Variants in TMEM234 observed in about 807,000 individuals in gnomAD.
TMEM234 encodes transmembrane protein 234.
In TMEM234, 21 loss-of-function variants were observed where a neutral mutation model predicts 17.8. The ratio of observed to expected loss-of-function variants is 1.18; its 90% confidence interval spans 0.84 to 1.70. The LOEUF (loss-of-function observed/expected upper bound fraction) is 1.70. Ranked by LOEUF, TMEM234 falls within the 40% of genes most tolerant of loss-of-function variation. The pLI is 0.00. For missense variants in TMEM234, 137 were observed against 166.9 expected, an observed-to-expected ratio of 0.82 and a Z score of 0.99; for synonymous variants, 83 against 73.5, an observed-to-expected ratio of 1.13 and a Z score of -0.66.
chr1:32,216,722 C>T lies in TMEM234; in HGVS notation c.*131G>A. ...TCTCTTATTGTGATCCATGAGGTAG[C>T]TGTTATCCCCATAAGAGAGGAGGAA... is the stretch of plus-strand genomic sequence containing the variant. On this transcript the variant is annotated 3_prime_UTR_variant, in exon 5 of 5. Transcript: ENST00000309777. 1 of 1,505,586 alleles carries T rather than the reference C, an allele frequency of 6.6e-7. No individual in the cohort carries two copies. Among genetic ancestry groups the T allele is most frequent in the Non-Finnish European group, 8.9e-7 (1 of 1,122,952 alleles). The allele number at this position is 1,505,586 out of a possible 1,614,324, so 93.3% of individuals were successfully genotyped here.
chr1:32,217,161 C>T, intron 4 of TMEM234, 98 bp downstream of exon 4: 1 of 1,607,898 alleles, frequency 6.2e-7, no homozygotes, highest in African/African-American at 1.3e-5. Context: ...AAGGCCGTGT[C>T]CTCACCCACT....
chr1:32,216,421 G>A lies in TMEM234; in HGVS notation c.*432C>T, dbSNP rs371498041. 14 of 1,551,506 alleles carry A rather than the reference G, an allele frequency of 9.0e-6. No homozygotes were observed. The highest frequency in any genetic ancestry group is 7.3e-5 in the East Asian group (3 of 40,930). ...GTTCCACCCCTCATTCAGCCAAAGC[G>A]CTCTGACTGAGTCCCAGAGGCCTCC... On this transcript the variant is annotated 3_prime_UTR_variant, in exon 5 of 5. Transcript: ENST00000309777.
chr1:32,215,658 C>G, downstream of TMEM234: 1 of 1,125,762 alleles, frequency 8.9e-7, no homozygotes. Flanking sequence ...AGTAAATGAT[C>G]TCCTAACTTC....
chr1:32,222,054 C>G, intron 1 of TMEM234, 36 bp from the exon 2 acceptor site: 1 of 1,565,368 alleles, frequency 6.4e-7, no homozygotes, highest in African/African-American at 1.4e-5. Context: ...TGACCCCCAC[C>G]CCAAACGGCC....
At position 32,216,907 on chromosome 1, in the gene TMEM234, T is replaced by C. The variant is rs985269680; in HGVS notation, c.369A>G (p.Ser123=). ...AGMVLTVIGI[S]LCITSSVSKT... ...TACTCACTGAGCTTGTGATGCAGAG[T>C]GAAATTCCTATCACGGTGAGCACCA... The change falls in exon 5 of 5, where the codon TCA becomes TCG. Residue 123 remains serine, a synonymous_variant. Transcript: ENST00000309777. 6.2e-7 allele frequency: 1 copy of C among 1,613,800 alleles called. No individual in the cohort carries two copies. The highest frequency in any genetic ancestry group is 1.3e-5 in the African/African-American group (1 of 74,800).
At chr1:32,214,976 A>C (rs1376973195), downstream of TMEM234, 4 of 1,611,600 alleles carry the variant, frequency 2.5e-6, no homozygotes, top group Non-Finnish European at 3.4e-6. Flanking sequence ...CTGCCCTTTG[A>C]CAGTGACATA....
rs2124245623 is a variant in TMEM234, at chr1:32,221,276, C to A, written c.169-79G>T. ...CCTTCTTTGAGCTCCTAGCGAATGT[C>A]TTTCCTTGGAGGGAGGCAGGGTTAT... On this transcript the variant is annotated intron_variant, in intron 2 of 4. Transcript: ENST00000309777. 4.3e-6 allele frequency: 5 copies of A among 1,160,798 alleles called. No homozygotes were observed. In the South Asian group the frequency reaches 6.5e-5, roughly 15 times the overall value. The allele number at this position is 1,160,798 out of a possible 1,614,324, so 71.9% of individuals were successfully genotyped here. A position where few individuals can be genotyped will look rare whatever the true frequency, so the allele number is the denominator to read the frequency against.
chr1:32,214,714 G>C, downstream of TMEM234: 6 of 1,570,684 alleles, frequency 3.8e-6, no homozygotes, highest in Non-Finnish European at 5.2e-6. Flanking sequence ...CAGGCGTCAG[G>C]GGCTCTCTGA....
chr1:32,221,180 G>A lies in TMEM234; in HGVS notation c.186C>T (p.Leu62=), dbSNP rs1638870867. ...AGAGAAGGGATCCACACTGGTTGAGGAGAAAGGGCATCAGGTACTGGAAAG... is the reference window on the plus strand; with the variant it reads ...AGAGAAGGGATCCACACTGGTTGAGAAGAAAGGGCATCAGGTACTGGAAAG... The part of the protein sequence containing the change: ...FLNTEYLMPF[L]LNQCGSLLYY... The change falls in exon 3 of 5, where the codon CTC becomes CTT. Residue 62 remains leucine (L), a synonymous_variant. Coordinates refer to ENST00000309777, the MANE Select transcript of TMEM234 (RefSeq NM_019118.5). 1.9e-6 allele frequency: 3 copies of A among 1,613,666 alleles called. No homozygotes were observed. Among genetic ancestry groups the A allele is most frequent in the Non-Finnish European group, 2.5e-6 (3 of 1,179,858 alleles).
chr1:32,215,997 G>C (rs532578096), downstream of TMEM234: 2 of 1,019,664 alleles, frequency 2.0e-6, no homozygotes, highest in Non-Finnish European at 3.0e-6. Flanking sequence ...ACCTCCGCTG[G>C]GCTCACAGGG....
rs1306840002 is a variant in TMEM234, at chr1:32,217,040, G to A, written c.329-93C>T. On this transcript the variant is annotated intron_variant, in intron 4 of 4. Coordinates refer to ENST00000309777, the MANE Select transcript of TMEM234 (RefSeq NM_019118.5). ...GGAGGAAGGGCTCAGATGGGGTCTG[G>A]TCTTCAATCCCAAACCCCAGCCTCT... 6 of 1,588,844 alleles carry A rather than the reference G, an allele frequency of 3.8e-6. No homozygotes were observed. The African/African-American group carries it at 8.0e-5, about 21-fold the overall frequency.
At chr1:32,222,219 G>C in intron 1 of TMEM234, 88 bp downstream of exon 1, 3 of 1,513,288 alleles carry the variant, frequency 2.0e-6, no homozygotes, top group Non-Finnish European at 1.8e-6. Flanking sequence ...TTGTAGCAGG[G>C]GTCGGGGTTA....
At chr1:32,215,882 A>G (rs1446344982), downstream of TMEM234, 13 of 1,551,534 alleles carry the variant, frequency 8.4e-6, no homozygotes, top group Non-Finnish European at 1.1e-5. Context: ...CCTCAGCCCC[A>G]GCTCTGCCAT....
At chr1:32,215,988 C>T (rs1017167362), downstream of TMEM234, 3 of 1,107,468 alleles carry the variant, frequency 2.7e-6, no homozygotes, top group Non-Finnish European at 4.0e-6. Context: ...GGAGCCAGCA[C>T]CTCCGCTGGG....
chr1:32,215,254 G>T (rs1249812490), downstream of TMEM234: 2 of 611,266 alleles, frequency 3.3e-6, no homozygotes, highest in Non-Finnish European at 5.7e-6. Flanking sequence ...AGACTTCAGG[G>T]GTGGGATATA....
At chr1:32,215,657 T>C, downstream of TMEM234, 2 of 1,117,268 alleles carry the variant, frequency 1.8e-6, no homozygotes, top group African/African-American at 3.2e-5. Flanking sequence ...AAGTAAATGA[T>C]CTCCTAACTT....
chr1:32,217,528 C>T, intron 3 of TMEM234, 177 bp from the exon 4 acceptor site: 2 of 1,419,434 alleles, frequency 1.4e-6, no homozygotes, highest in African/African-American at 1.4e-5. Context: ...ACGTTCAGTG[C>T]TTCCCAGGAT....
chr1:32,221,809 A>G (rs1371595317), intron 2 of TMEM234, 58 bp downstream of exon 2: 7 of 1,604,182 alleles, frequency 4.4e-6, no homozygotes, highest in African/African-American at 1.3e-5. Flanking sequence ...GTTTGACTCC[A>G]AAGACCAAAT....
rs1350470106 is a variant in TMEM234 at position 32,221,942 on chromosome 1, G to A, written c.93C>T (p.Gly31=). 1 of 1,611,928 alleles carries A rather than the reference G, an allele frequency of 6.2e-7. No individual in the cohort carries two copies. Among genetic ancestry groups the A allele is most frequent in the Non-Finnish European group, 8.5e-7 (1 of 1,179,964 alleles). Reference sequence around the variant, plus strand: ...AGGTCGGCTCATGAACCCGCTGCAGGCCGGCGGAGGCCCGCTTCAGCAGCG... The same window carrying A: ...AGGTCGGCTCATGAACCCGCTGCAGACCGGCGGAGGCCCGCTTCAGCAGCG... ...TQPLLKRASA[G]LQRVHEPTWA... Residue 31 remains glycine, a synonymous_variant, in exon 2 of 5, where the codon GGC becomes GGT. Transcript: ENST00000309777.
Sources: allele counts gnomAD v4.1 joint callset, GRCh38; gene constraint gnomAD v4.1.1; transcripts MANE v1.5; gene names NCBI Gene and HGNC (gene_info 2026-07-23, HGNC 2026-07-21).